CCDC25: variants seen among roughly 807,000 people sequenced by gnomAD.
CCDC25 encodes the protein coiled-coil domain containing 25, also known as coiled-coil domain-containing protein 25.
Under a neutral mutation model 35.3 loss-of-function variants are expected in CCDC25, and 16 were observed. That is an observed-to-expected ratio of 0.45 (90% CI 0.31 to 0.69). The LOEUF (loss-of-function observed/expected upper bound fraction) is 0.69, where lower values mean the gene tolerates loss of function less well. CCDC25 is among the 30% of genes least tolerant of loss of function. The pLI is 0.06. For missense variants in CCDC25, 179 were observed against 250.7 expected, an observed-to-expected ratio of 0.71 and a Z score of 1.93; for synonymous variants, 79 against 80.3, an observed-to-expected ratio of 0.98 and a Z score of 0.09.
At chr8:27,746,148 T>A (rs56908489) in intron 7 of CCDC25, among the ~76,000 whole-genome samples, 1 of 152,320 alleles carries the variant, frequency 6.6e-6, no homozygotes, top group Non-Finnish European at 1.5e-5. Context: ...AATTACTTGA[T>A]TGATTTATAT....
Position 27,736,211 on chromosome 8 carries a change from T to C in CCDC25, c.*5A>G. 6.2e-7 allele frequency: 1 copy of C among 1,609,138 alleles called. No individual in the cohort carries two copies. Among genetic ancestry groups the C allele is most frequent in the Non-Finnish European group, 8.5e-7 (1 of 1,178,222 alleles). ...TTTCAAAGGTCCTTTTCTCCTTTTC[T>C]CCTTTTACATGAATTCATCTGAATC... On this transcript the variant is annotated 3_prime_UTR_variant, in exon 9 of 9. Coordinates refer to ENST00000356537, the MANE Select transcript of CCDC25 (RefSeq NM_018246.3).
intron 7 of CCDC25, among the ~76,000 whole-genome samples, chr8:27,746,963 C>T (rs116320491): frequency 1.7e-3 from 252 of 152,328 alleles, no homozygotes; most frequent in African/African-American, 5.8e-3. Flanking sequence ...TCTGATTCTA[C>T]ACCATTTCCA....
At chr8:27,747,296 A>C (rs1803637359) in intron 7 of CCDC25, among the ~76,000 whole-genome samples, 1 of 151,920 alleles carries the variant, frequency 6.6e-6, no homozygotes. Context: ...CAGAAAAGGC[A>C]GTGGTCAGAC....
intron 3 of CCDC25, among the ~76,000 whole-genome samples, chr8:27,758,378 A>G (rs1341149362): frequency 1.3e-5 from 2 of 152,204 alleles, no homozygotes; most frequent in African/African-American, 2.4e-5. Context: ...ATACAGAAAA[A>G]TATTAGGCAC....
chr8:27,748,010 A>G, intron 7 of CCDC25, 67 bp downstream of exon 7: 1 of 1,449,346 alleles, frequency 6.9e-7, no homozygotes, highest in South Asian at 1.2e-5. Flanking sequence ...CTTAATGGCT[A>G]ATACATGATT....
intron 2 of CCDC25, 51 bp downstream of exon 2, chr8:27,765,153 A>G (rs1350292830): frequency 1.5e-5 from 22 of 1,465,048 alleles, no homozygotes; most frequent in East Asian, 1.0e-4. Context: ...TGAGTGAGAG[A>G]TAACACTTAC....
intron 2 of CCDC25, among the ~76,000 whole-genome samples, chr8:27,764,817 C>T (rs998969519): frequency 6.6e-6 from 1 of 152,192 alleles, no homozygotes; most frequent in Non-Finnish European, 1.5e-5. Flanking sequence ...ACTTCGACAG[C>T]ATTTACTATT....
chr8:27,759,513 G>A (rs980065654), intron 3 of CCDC25, among the ~76,000 whole-genome samples: 1 of 150,938 alleles, frequency 6.6e-6, no homozygotes, highest in Non-Finnish European at 1.5e-5. Flanking sequence ...GGAGGCTGAA[G>A]CAGCAGAACC....
intron 7 of CCDC25, among the ~76,000 whole-genome samples, chr8:27,745,366 C>T (rs1347580026): frequency 6.6e-6 from 1 of 152,178 alleles, no homozygotes; most frequent in African/African-American, 2.4e-5. Flanking sequence ...CTGCCTCAAC[C>T]TCTCATCTGT....
chr8:27,753,622 T>C (rs1476139557), intron 4 of CCDC25, among the ~76,000 whole-genome samples: 1 of 152,220 alleles, frequency 6.6e-6, no homozygotes, highest in Non-Finnish European at 1.5e-5. Flanking sequence ...AACAAATAAT[T>C]GGTGGTAATG....
At chr8:27,739,343 G>A (rs965730174) in intron 8 of CCDC25, among the ~76,000 whole-genome samples, 9 of 152,070 alleles carry the variant, frequency 5.9e-5, no homozygotes, top group Non-Finnish European at 1.3e-4. Flanking sequence ...AGAATATGTA[G>A]ATATAAACAA....
At position 27,761,078 on chromosome 8, in the gene CCDC25, G is replaced by A. The variant is rs989865860; in HGVS notation, c.116+1341C>T. 4.0e-5 allele frequency among the ~76,000 whole-genome samples: 6 copies of A among 151,822 alleles called. No individual in the cohort carries two copies. In the East Asian group the frequency reaches 7.7e-4, roughly 20 times the overall value. ...AGGGAGGCAGAGGTTACAGTGAGCCGAGATCGCACCATTGCACTCCAGCCT... is the reference window on the plus strand; with the variant it reads ...AGGGAGGCAGAGGTTACAGTGAGCCAAGATCGCACCATTGCACTCCAGCCT... On this transcript the variant is annotated intron_variant, in intron 3 of 8. Transcript: ENST00000356537.
intron 1 of CCDC25, among the ~76,000 whole-genome samples, chr8:27,770,320 T>C (rs1271227055): frequency 1.3e-5 from 2 of 151,522 alleles, no homozygotes; most frequent in East Asian, 3.9e-4. Flanking sequence ...CTGGTCCCTG[T>C]AATCCTAGCT....
chr8:27,742,733 T>G (rs10866861), intron 7 of CCDC25, among the ~76,000 whole-genome samples: 66,012 of 151,966 alleles, frequency 0.43, 14,597 homozygotes, highest in East Asian at 0.63. Flanking sequence ...CAGGCGTGGT[T>G]GTGCATGCCT....
intron 7 of CCDC25, 50 bp from the exon 8 acceptor site, chr8:27,740,567 A>C: frequency 2.0e-6 from 3 of 1,526,888 alleles, no homozygotes; most frequent in Non-Finnish European, 2.7e-6. Flanking sequence ...TGATCCAGTC[A>C]ACAAATATTT....
At position 27,756,764 on chromosome 8, in the gene CCDC25, A is replaced by G. The variant is rs1225051292; in HGVS notation, c.123T>C (p.His41=). The change falls in exon 4 of 9, where the codon CAT becomes CAC. Residue 41 remains histidine, a synonymous_variant. Coordinates refer to ENST00000356537, the MANE Select transcript of CCDC25 (RefSeq NM_018246.3). ...CATGAGCCGAAGAGAGTTTGTCCAC[A>G]TGAAACCTACAAAGAATGAAAACCA... ...KHGWPEDIWF[H]VDKLSSAHVY... 6.2e-7 allele frequency: 1 copy of G among 1,611,898 alleles called. No individual in the cohort carries two copies. The highest frequency in any genetic ancestry group is 1.3e-5 in the African/African-American group (1 of 74,864).
rs754825805 is a variant in CCDC25 at position 27,736,197 on chromosome 8, C to G, written c.*19G>C. The G allele has an allele frequency of 2.9e-5, 47 of 1,605,702 alleles. No homozygotes were observed. Among genetic ancestry groups the G allele is most frequent in the Non-Finnish European group, 4.0e-5 (47 of 1,176,612 alleles). On this transcript the variant is annotated 3_prime_UTR_variant, in exon 9 of 9. Coordinates refer to ENST00000356537, the MANE Select transcript of CCDC25 (RefSeq NM_018246.3). ...TCTACATTCACATCTTTCAAAGGTCCTTTTCTCCTTTTCTCCTTTTACATG... is the reference window on the plus strand; with the variant it reads ...TCTACATTCACATCTTTCAAAGGTCGTTTTCTCCTTTTCTCCTTTTACATG...
At chr8:27,765,085 T>C (rs1345109504) in intron 2 of CCDC25, 119 bp downstream of exon 2, 2 of 868,158 alleles carry the variant, frequency 2.3e-6, no homozygotes, top group Non-Finnish European at 3.5e-6. Context: ...AAAAGCTAGT[T>C]TATCAAAGTA....
intron 5 of CCDC25, among the ~76,000 whole-genome samples, chr8:27,749,524 T>A (rs1367884048): frequency 6.6e-6 from 1 of 152,188 alleles, no homozygotes; most frequent in African/African-American, 2.4e-5. Context: ...AGAGGAAGCA[T>A]CAGACAAACC....
Sources: allele counts gnomAD v4.1 joint callset (sites outside exome capture counted in the v4.1 genomes callset), GRCh38; gene constraint gnomAD v4.1.1; transcripts MANE v1.5; gene names NCBI Gene and HGNC (gene_info 2026-07-23, HGNC 2026-07-21).